The following IQCK variants were observed in gnomAD, a reference collection of about 807,000 sequenced individuals.
IQCK encodes IQ motif containing K.
In IQCK, 29 loss-of-function variants were observed where a neutral mutation model predicts 28.1. That is an observed-to-expected ratio of 1.03 (90% confidence interval 0.77 to 1.41). The LOEUF is 1.41. Ranked by LOEUF, IQCK falls within the 40% of genes most tolerant of loss-of-function variation. The probability of loss-of-function intolerance (pLI) is 0.00; values close to 1 mark genes in which losing one functional copy is unlikely to be tolerated. For synonymous variants in IQCK, 113 were observed against 115.1 expected (o/e 0.98, Z 0.12); for missense variants, 359 against 314.7 (o/e 1.14, Z -1.07).
chr16:19,857,078 C>A (rs887310008), exon 10 of IQCK: 2 of 178,234 alleles, frequency 1.1e-5, no homozygotes, highest in East Asian at 3.5e-4. Flanking sequence ...ACACTTAAAC[C>A]CAGACAGATG....
At chr16:19,823,674 C>T (rs113188381) in intron 7 of IQCK, among the ~76,000 whole-genome samples, 4,722 of 152,278 alleles carry the variant, frequency 0.031, 254 homozygotes, top group African/African-American at 0.11. Context: ...CAGTGGCTCA[C>T]GCCTGTAATA....
intron 1 of IQCK, among the ~76,000 whole-genome samples, chr16:19,729,631 TTTTA>T (rs1183371155): frequency 6.6e-6 from 1 of 151,626 alleles, no homozygotes; most frequent in Admixed American, 6.6e-5. Flanking sequence ...TTTTATTTTA[TTTTA>T]TTTATTTATT....
At chr16:19,749,286 A>G (rs191635380) in intron 4 of IQCK, among the ~76,000 whole-genome samples, 2 of 152,330 alleles carry the variant, frequency 1.3e-5, no homozygotes, top group Non-Finnish European at 2.9e-5. Context: ...TCAGTTATTC[A>G]TAACGTTCCG....
intron 7 of IQCK, among the ~76,000 whole-genome samples, chr16:19,816,710 G>A (rs1021089238): frequency 3.9e-5 from 6 of 152,206 alleles, no homozygotes; most frequent in African/African-American, 1.4e-4. Context: ...TGGCTCCTCA[G>A]CCACTTGGTT....
chr16:19,813,159 G>T (rs1242991250), intron 7 of IQCK, among the ~76,000 whole-genome samples: 1 of 152,234 alleles, frequency 6.6e-6, no homozygotes, highest in Non-Finnish European at 1.5e-5. Flanking sequence ...CTGGGAGATA[G>T]AATGCAGTAG....
intron 4 of IQCK, among the ~76,000 whole-genome samples, chr16:19,755,605 C>T (rs1045561541): frequency 3.9e-5 from 6 of 152,148 alleles, no homozygotes; most frequent in African/African-American, 9.7e-5. Context: ...TAACTAGAAC[C>T]GGAACCAGAA....
chr16:19,803,550 A>G (rs1423925979), intron 7 of IQCK, among the ~76,000 whole-genome samples: 1 of 152,230 alleles, frequency 6.6e-6, no homozygotes, highest in Non-Finnish European at 1.5e-5. Flanking sequence ...TTTATGATTC[A>G]GGAGAAATCA....
intron 6 of IQCK, among the ~76,000 whole-genome samples, chr16:19,777,217 C>A (rs187679596): frequency 1.7e-3 from 262 of 152,120 alleles, no homozygotes; most frequent in African/African-American, 6.0e-3. Context: ...GCTGGGGGAA[C>A]CTATGATATG....
Position 19,780,018 on chromosome 16 carries a change from CTTATTTATTTAT to C in IQCK, c.606-8789_606-8778del, listed in dbSNP as rs57997707. On this transcript the variant is annotated intron_variant, in intron 6 of 7. Coordinates refer to ENST00000564186, the Ensembl canonical transcript of IQCK. ...ACAGGCGTGAGCCACCGTGCCCAGC[CTTATTTATTTAT>C]TTATTTATTTATTTATTTATTTATT... Among the ~76,000 whole-genome samples the C allele has an allele frequency of 8.1e-3, 1,041 of 128,900 alleles. 10 individuals carry two copies. Among genetic ancestry groups the C allele is most frequent in the African/African-American group, 0.028 (937 of 33,544 alleles). The allele number at this position is 128,900 out of a possible 152,430, so 84.6% of individuals were successfully genotyped here.
chr16:19,830,815 G>A (rs186446172), downstream of IQCK, among the ~76,000 whole-genome samples: 49 of 152,232 alleles, frequency 3.2e-4, no homozygotes, highest in African/African-American at 9.9e-4. Context: ...TGTCTATCTC[G>A]TACAAGTGTT....
rs1050197816 is a variant in IQCK at position 19,803,288 on chromosome 16, G to A, written c.690+14366G>A. 3.9e-5 allele frequency among the ~76,000 whole-genome samples: 6 copies of A among 152,142 alleles called. 1 individual carries two copies. In the Middle Eastern group the frequency reaches 0.01, roughly 259 times the overall value. On this transcript the variant is annotated intron_variant, in intron 7 of 7. Transcript: ENST00000564186. Reference sequence around the variant, plus strand: ...CTCCGGAGTAGCTGGGATTACAGGCGCACGCCACTGCACCCGGCTAATTTT... The same window carrying A: ...CTCCGGAGTAGCTGGGATTACAGGCACACGCCACTGCACCCGGCTAATTTT...
intron 9 of IQCK, among the ~76,000 whole-genome samples, chr16:19,855,090 ACT>A (rs1173422638): frequency 6.6e-6 from 1 of 151,918 alleles, no homozygotes; most frequent in Non-Finnish European, 1.5e-5. Flanking sequence ...AAATAAGGAG[ACT>A]CTGAGGGCCC....
At chr16:19,823,373 G>T (rs890608095) in intron 7 of IQCK, among the ~76,000 whole-genome samples, 8 of 152,090 alleles carry the variant, frequency 5.3e-5, no homozygotes, top group Admixed American at 1.3e-4. Context: ...GGTCCTGCAG[G>T]CCTAGCAGGT....
chr16:19,745,152 G>A (rs1249418894), intron 4 of IQCK, among the ~76,000 whole-genome samples: 1 of 152,160 alleles, frequency 6.6e-6, no homozygotes, highest in African/African-American at 2.4e-5. Context: ...TTAATGATAA[G>A]TAACATTTTC....
chr16:19,821,422 A>T (rs1373538916), intron 7 of IQCK, among the ~76,000 whole-genome samples: 1 of 152,174 alleles, frequency 6.6e-6, no homozygotes, highest in East Asian at 1.9e-4. Flanking sequence ...GAAAATAGGT[A>T]TTTAAACAAA....
intron 6 of IQCK, among the ~76,000 whole-genome samples, chr16:19,786,197 G>A (rs2055559374): frequency 6.6e-6 from 1 of 152,174 alleles, no homozygotes; most frequent in South Asian, 2.1e-4. Context: ...TGATTTGTTG[G>A]TGTCACACAA....
At chr16:19,833,164 A>G (rs2056254174) in intron 9 of IQCK, among the ~76,000 whole-genome samples, 1 of 152,248 alleles carries the variant, frequency 6.6e-6, no homozygotes, top group Non-Finnish European at 1.5e-5. Flanking sequence ...ATTCAGTATT[A>G]TTAACTGTAG....
chr16:19,837,946 C>G (rs2056317581), intron 9 of IQCK, among the ~76,000 whole-genome samples: 1 of 152,182 alleles, frequency 6.6e-6, no homozygotes, highest in African/African-American at 2.4e-5. Flanking sequence ...GTCTAAAATT[C>G]AGGGGATCTG....
chr16:19,759,507 C>T (rs1051917420), intron 4 of IQCK, among the ~76,000 whole-genome samples: 5 of 152,054 alleles, frequency 3.3e-5, no homozygotes, highest in African/African-American at 1.2e-4. Flanking sequence ...CCATGCCCAG[C>T]CTCAGTGCAG....
Sources: gnomAD v4.1 joint callset for allele counts (sites outside exome capture counted in the v4.1 genomes callset) on GRCh38, gnomAD v4.1.1 for gene constraint, MANE v1.5 for transcripts, NCBI Gene and HGNC (gene_info 2026-07-23, HGNC 2026-07-21) for gene names.